The following ZNF131 variants were observed in gnomAD, a reference collection of about 807,000 sequenced individuals.
The protein encoded by ZNF131 is zinc finger and BTB domain containing 35, also known as zinc finger protein 131.
A neutral mutation model predicts 60.0 loss-of-function variants in ZNF131; 7 were observed. The observed-to-expected ratio is 0.12, with a 90% CI of 0.07 to 0.22. The LOEUF (loss-of-function observed/expected upper bound fraction) is 0.22, where lower values mean the gene tolerates loss of function less well. Among genes scored for constraint, ZNF131 ranks in the 10% least tolerant of loss-of-function variants. The pLI, the probability that ZNF131 is intolerant of heterozygous loss-of-function variation, is 1.00. For missense variants in ZNF131, 493 were observed against 740.9 expected (o/e 0.67, Z 3.88); for synonymous variants, 257 against 253.2 (o/e 1.01, Z -0.14).
intron 5 of ZNF131, among the ~76,000 whole-genome samples, chr5:43,162,683 A>AC (rs1473494735): frequency 2.6e-5 from 4 of 151,398 alleles, no homozygotes; most frequent in Middle Eastern, 3.2e-3. Context: ...GCGGGTGGAT[A>AC]TCTGAGGTCA....
In ZNF131 at chr5:43,140,216, A is replaced by T. The variant is rs141574877; in HGVS notation, c.371+907A>T. 6.3e-3 allele frequency among the ~76,000 whole-genome samples: 953 copies of T among 152,236 alleles called. 9 individuals are homozygous for T. Among genetic ancestry groups the T allele is most frequent in the African/African-American group, 0.022 (916 of 41,522 alleles). On this transcript the variant is annotated intron_variant, in intron 4 of 6. Transcript: ENST00000682664. ...TACCAGCTAGGGGGAACAAAGTGAGACCCTGTTTTTTTAAAAAAGAGAAAA... is the reference window on the plus strand; with the variant it reads ...TACCAGCTAGGGGGAACAAAGTGAGTCCCTGTTTTTTTAAAAAAGAGAAAA...
chr5:43,135,543 G>A (rs968266593), intron 3 of ZNF131, among the ~76,000 whole-genome samples: 3 of 148,978 alleles, frequency 2.0e-5, no homozygotes, highest in East Asian at 4.1e-4. Context: ...GAGGTCAGGA[G>A]TTCAAGACCA....
rs59888761 is a variant in ZNF131, at chr5:43,175,719, TA to T, written c.*601del. ...GGTGGTGGCAAAATTTCTAGAATGT[TA>T]AAAAAAAAAAAAAATCCACACCCAT... On this transcript the variant is annotated 3_prime_UTR_variant, in exon 7 of 7. Coordinates refer to ENST00000682664, the MANE Select transcript of ZNF131 (RefSeq NM_001330707.2). 0.035 allele frequency: 7,941 copies of T among 225,440 alleles called. No individual in the cohort carries two copies. Among genetic ancestry groups the T allele is most frequent in the Non-Finnish European group, 0.045 (5,396 of 120,002 alleles). 14.0% of individuals were successfully genotyped at this position (225,440 alleles called of 1,614,324 possible).
intron 4 of ZNF131, among the ~76,000 whole-genome samples, chr5:43,146,631 G>C: frequency 6.6e-6 from 1 of 152,010 alleles, no homozygotes; most frequent in Admixed American, 6.6e-5. Flanking sequence ...TATGAGTCGG[G>C]CGCAGTGGTT....
intron 4 of ZNF131, among the ~76,000 whole-genome samples, chr5:43,160,673 T>G (rs1190224374): frequency 6.8e-6 from 1 of 146,374 alleles, no homozygotes; most frequent in Non-Finnish European, 1.5e-5. Context: ...ATGATTAGCT[T>G]GGAACTTTTT....
At chr5:43,158,374 C>G (rs1190651027) in intron 4 of ZNF131, among the ~76,000 whole-genome samples, 1 of 152,344 alleles carries the variant, frequency 6.6e-6, no homozygotes, top group South Asian at 2.1e-4. Flanking sequence ...ACCACAACCT[C>G]CACCTCCTGG....
At chr5:43,166,492 C>G (rs1274507052) in intron 5 of ZNF131, among the ~76,000 whole-genome samples, 1 of 151,056 alleles carries the variant, frequency 6.6e-6, no homozygotes, top group Non-Finnish European at 1.5e-5. Flanking sequence ...TCCCAAATAG[C>G]TGGGACTACA....
chr5:43,135,743 G>T (rs1746001841), intron 3 of ZNF131, among the ~76,000 whole-genome samples: 1 of 152,132 alleles, frequency 6.6e-6, no homozygotes, highest in African/African-American at 2.4e-5. Flanking sequence ...AGAAACTAAA[G>T]ACACTCAATA....
intron 4 of ZNF131, among the ~76,000 whole-genome samples, chr5:43,151,173 A>G (rs1023928760): frequency 6.6e-6 from 1 of 152,222 alleles, no homozygotes; most frequent in African/African-American, 2.4e-5. Flanking sequence ...CCAGAGCCCA[A>G]GTGATATCAG....
At chr5:43,171,518 A>G (rs937719195) in intron 5 of ZNF131, among the ~76,000 whole-genome samples, 4 of 152,102 alleles carry the variant, frequency 2.6e-5, no homozygotes, top group Admixed American at 6.6e-5. Context: ...AGATCATGCC[A>G]TTGCACTCCA....
chr5:43,138,028 CAT>C (rs1746347143), intron 3 of ZNF131, among the ~76,000 whole-genome samples: 1 of 152,142 alleles, frequency 6.6e-6, no homozygotes, highest in South Asian at 2.1e-4. Flanking sequence ...CACTTCCACT[CAT>C]ATGAGCTATC....
intron 4 of ZNF131, among the ~76,000 whole-genome samples, chr5:43,158,825 C>T (rs1749283519): frequency 6.6e-6 from 1 of 150,872 alleles, no homozygotes; most frequent in African/African-American, 2.4e-5. Context: ...TGTGATGCCT[C>T]ATCCTTCCTT....
At chr5:43,131,629 G>A (rs1185432807) in intron 3 of ZNF131, among the ~76,000 whole-genome samples, 2 of 152,100 alleles carry the variant, frequency 1.3e-5, no homozygotes, top group African/African-American at 4.8e-5. Context: ...AATCCTAGTG[G>A]TATTAAGATT....
chr5:43,155,206 C>T (rs1748808587), intron 4 of ZNF131, among the ~76,000 whole-genome samples: 1 of 152,158 alleles, frequency 6.6e-6, no homozygotes, highest in East Asian at 1.9e-4. Context: ...CCACTACTTT[C>T]TTAAGTATAC....
At chr5:43,152,191 C>T (rs889492621) in intron 4 of ZNF131, among the ~76,000 whole-genome samples, 23 of 151,814 alleles carry the variant, frequency 1.5e-4, no homozygotes, top group African/African-American at 4.6e-4. Context: ...TTAGTGGAGA[C>T]GGAGTTTCAC....
intron 4 of ZNF131, among the ~76,000 whole-genome samples, chr5:43,140,221 G>GT (rs1380973189): frequency 6.6e-6 from 1 of 152,096 alleles, no homozygotes; most frequent in African/African-American, 2.4e-5. Flanking sequence ...GTGAGACCCT[G>GT]TTTTTTTAAA....
intron 4 of ZNF131, among the ~76,000 whole-genome samples, chr5:43,147,503 C>T (rs997762200): frequency 6.6e-5 from 10 of 151,562 alleles, no homozygotes; most frequent in African/African-American, 4.8e-5. Context: ...CTGCGAGCTC[C>T]GCCTCCCGGG....
chr5:43,160,734 A>AGT (rs899418202), intron 4 of ZNF131, among the ~76,000 whole-genome samples: 13 of 125,922 alleles, frequency 1.0e-4, no homozygotes, highest in Non-Finnish European at 1.7e-4. Flanking sequence ...CCCAGGCTGG[A>AGT]GTGCAATGGT....
Position 43,139,148 on chromosome 5 carries a change from G to C in ZNF131, c.227-17G>C, listed in dbSNP as rs373971814. On this transcript the variant is annotated splice_polypyrimidine_tract_variant and intron_variant, in intron 3 of 6. Coordinates refer to ENST00000682664, the MANE Select transcript of ZNF131 (RefSeq NM_001330707.2). Reference sequence around the variant, plus strand: ...AGTCAATATGATTACATGCTCTAATGTACATCTTCTTTACAGGTGTTAGTA... The same window carrying C: ...AGTCAATATGATTACATGCTCTAATCTACATCTTCTTTACAGGTGTTAGTA... 3.7e-5 allele frequency: 58 copies of C among 1,572,252 alleles called. No homozygotes were observed. In the Middle Eastern group the frequency reaches 9.2e-4, roughly 25 times the overall value.
Sources: gnomAD v4.1 joint callset for allele counts (sites outside exome capture counted in the v4.1 genomes callset) on GRCh38, gnomAD v4.1.1 for gene constraint, MANE v1.5 for transcripts, NCBI Gene and HGNC (gene_info 2026-07-23, HGNC 2026-07-21) for gene names.